Variants in SIRT3 observed in about 807,000 individuals in gnomAD.
The protein encoded by SIRT3 is sirtuin 3, also known as NAD-dependent protein deacetylase sirtuin-3, mitochondrial.
Under a neutral mutation model 33.5 loss-of-function variants are expected in SIRT3, and 26 were observed. The ratio of observed to expected loss-of-function variants is 0.78; its 90% confidence interval spans 0.57 to 1.08. The LOEUF is 1.08. Among genes scored for constraint, SIRT3 ranks in the 50% least tolerant of loss-of-function variants. The probability of loss-of-function intolerance (pLI) is 0.00; values close to 1 mark genes in which losing one functional copy is unlikely to be tolerated. For missense variants in SIRT3, 585 were observed against 530.1 expected (o/e 1.10, Z -1.02); for synonymous variants, 237 against 222.1 (o/e 1.07, Z -0.60).
At chr11:227,644 G>C (rs191549963) in intron 4 of SIRT3, among the ~76,000 whole-genome samples, 5 of 151,984 alleles carry the variant, frequency 3.3e-5, no homozygotes, top group South Asian at 4.2e-4. Flanking sequence ...ATTTTGTTTT[G>C]AGATGGAGTC....
rs1165729405 is a variant in SIRT3, at chr11:220,321, ACT to A, written c.970-1282_970-1281del. ...CCTCCAGCCTGGGAGACAGAGCAAGACTCTGTCTCAAAAAAAAAAAAAAAAAA... is the reference window on the plus strand; with the variant it reads ...CCTCCAGCCTGGGAGACAGAGCAAGACTGTCTCAAAAAAAAAAAAAAAAAA... On this transcript the variant is annotated intron_variant, in intron 5 of 6. Transcript: ENST00000382743. Among the ~76,000 whole-genome samples the A allele has an allele frequency of 4.6e-5, 6 of 130,942 alleles. No homozygotes were observed. In the East Asian group the frequency reaches 1.1e-3, roughly 25 times the overall value. 85.9% of individuals were successfully genotyped at this position (130,942 alleles called of 152,430 possible). A position where few individuals can be genotyped will look rare whatever the true frequency, so the allele number is the denominator to read the frequency against.
intron 3 of SIRT3, among the ~76,000 whole-genome samples, chr11:232,384 GC>G (rs1363964147): frequency 2.0e-5 from 3 of 152,002 alleles, no homozygotes; most frequent in Non-Finnish European, 4.4e-5. Flanking sequence ...CTCCCAAAAT[GC>G]TGGGATTACA....
upstream of SIRT3, chr11:236,483 G>A (rs1174874698): frequency 9.4e-6 from 3 of 319,238 alleles, no homozygotes; most frequent in African/African-American, 2.5e-5. Flanking sequence ...CCCCGCCCCC[G>A]CCTCCTTGCC....
chr11:221,742 C>G (rs1249272771), intron 5 of SIRT3, among the ~76,000 whole-genome samples: 1 of 152,196 alleles, frequency 6.6e-6, no homozygotes, highest in African/African-American at 2.4e-5. Flanking sequence ...CAGTTGGGAC[C>G]TCATATCCGT....
rs1855523930 is a variant in SIRT3, at chr11:215,130, CAAAT to C, written c.*1564_*1567del. 6.5e-6 allele frequency: 1 copy of C among 154,318 alleles called. No individual in the cohort carries two copies. Among genetic ancestry groups the C allele is most frequent in the Non-Finnish European group, 1.4e-5 (1 of 69,444 alleles). The allele number at this position is 154,318 out of a possible 1,614,324, so 9.6% of individuals were successfully genotyped here. On this transcript the variant is annotated 3_prime_UTR_variant, in exon 7 of 7. Transcript: ENST00000382743. ...GGACAAAAATGTATGTGTAAATTAT[CAAAT>C]AAAGGGGCCAGGCACAGTGGCTCAT... is the stretch of plus-strand genomic sequence containing the variant.
In SIRT3 at chr11:221,341, C is replaced by A. The variant is rs189426441; in HGVS notation, c.970-2300G>T. ...GCCCAGGCTGGTCTCAAATGCCTAG[C>A]TTCAGGCAATCTTCCTGCCTTGGCC... On this transcript the variant is annotated intron_variant, in intron 5 of 6. Transcript: ENST00000382743. Among the ~76,000 whole-genome samples the A allele has an allele frequency of 3.3e-5, 5 of 152,348 alleles. No homozygotes were observed. In the East Asian group the frequency reaches 7.7e-4, roughly 23 times the overall value.
intron 1 of SIRT3, among the ~76,000 whole-genome samples, chr11:234,803 A>G (rs1301835704): frequency 6.6e-6 from 1 of 152,128 alleles, no homozygotes; most frequent in African/African-American, 2.4e-5. Flanking sequence ...TGCTCCATCC[A>G]TAGCACCTAG....
chr11:225,097 C>CAAA (rs11385996), intron 4 of SIRT3, among the ~76,000 whole-genome samples: 4,937 of 147,448 alleles, frequency 0.033, 245 homozygotes, highest in African/African-American at 0.11. Context: ...ATTAAGGAAG[C>CAAA]AAAAAAAAAA....
chr11:229,871 C>T (rs943034558), intron 4 of SIRT3, among the ~76,000 whole-genome samples: 112 of 152,312 alleles, frequency 7.4e-4, no homozygotes, highest in African/African-American at 2.5e-3. Context: ...TGCATATGCT[C>T]CACAGCAGAA....
chr11:235,255 G>C (rs1858821208), intron 1 of SIRT3, among the ~76,000 whole-genome samples: 1 of 151,892 alleles, frequency 6.6e-6, no homozygotes, highest in Admixed American at 6.5e-5. Context: ...ACCCAGGCTG[G>C]AGTGCAGTGG....
At position 215,253 on chromosome 11, in the gene SIRT3, C is replaced by G. The variant is rs1210074463; in HGVS notation, c.*1445G>C. 1.3e-5 allele frequency: 2 copies of G among 152,886 alleles called. No individual in the cohort carries two copies. The highest frequency in any genetic ancestry group is 2.9e-5 in the Non-Finnish European group (2 of 68,602). 9.5% of individuals were successfully genotyped at this position (152,886 alleles called of 1,614,324 possible). ...CCTGGCCAACATAGCAAAACCTTGT[C>G]TCTATTACAAATATGCCCATGTGCT... On this transcript the variant is annotated 3_prime_UTR_variant, in exon 7 of 7. Coordinates refer to ENST00000382743, the MANE Select transcript of SIRT3 (RefSeq NM_012239.6).
chr11:226,756 TA>T (rs374555171), intron 4 of SIRT3, among the ~76,000 whole-genome samples: 27,037 of 102,446 alleles, frequency 0.26, 3,057 homozygotes, highest in African/African-American at 0.28. Flanking sequence ...TTATTATTAT[TA>T]TTTTTTTTTT....
intron 1 of SIRT3, among the ~76,000 whole-genome samples, chr11:234,245 G>C (rs756743810): frequency 6.6e-6 from 1 of 152,226 alleles, no homozygotes; most frequent in African/African-American, 2.4e-5. Flanking sequence ...CTGAGGGGCA[G>C]GCATGGGTGC....
chr11:217,788 G>A (rs1455775748), intron 6 of SIRT3, among the ~76,000 whole-genome samples: 1 of 152,242 alleles, frequency 6.6e-6, no homozygotes, highest in African/African-American at 2.4e-5. Flanking sequence ...AGCATCAACT[G>A]TGATATATTG....
chr11:223,483 C>T lies in SIRT3; in HGVS notation c.969+595G>A, dbSNP rs1856706324. On this transcript the variant is annotated intron_variant, in intron 5 of 6. Coordinates refer to ENST00000382743, the MANE Select transcript of SIRT3 (RefSeq NM_012239.6). The surrounding 1 kb of genome is among the most constrained non-coding windows in gnomAD (Gnocchi z 4.8). Reference sequence around the variant, plus strand: ...CACTGCTTGCTCCACTCTCCACTCCCCAAAGGCCTCCCTGACCCCAAGGGT... The same window carrying T: ...CACTGCTTGCTCCACTCTCCACTCCTCAAAGGCCTCCCTGACCCCAAGGGT... The T allele has an allele frequency of 1.3e-5, 4 of 317,338 alleles. No individual in the cohort carries two copies. Among genetic ancestry groups the T allele is most frequent in the Non-Finnish European group, 2.5e-5 (4 of 160,680 alleles). 19.7% of individuals were successfully genotyped at this position (317,338 alleles called of 1,614,324 possible).
intron 1 of SIRT3, 124 bp downstream of exon 1, chr11:235,924 G>A (rs772241007): frequency 9.5e-7 from 1 of 1,049,242 alleles, no homozygotes; most frequent in Non-Finnish European, 1.3e-6. Context: ...AAAGACGGAG[G>A]CCCCGGTGTT....
chr11:222,973 A>G (rs999209400), intron 5 of SIRT3: 1 of 152,154 alleles, frequency 6.6e-6, no homozygotes, highest in Non-Finnish European at 1.5e-5. Flanking sequence ...AACAAACTAT[A>G]TAACTTCTTA....
At chr11:219,730 A>C (rs1590108371) in intron 5 of SIRT3, among the ~76,000 whole-genome samples, 1 of 152,344 alleles carries the variant, frequency 6.6e-6, no homozygotes, top group East Asian at 1.9e-4. Flanking sequence ...AAAGGTTTCA[A>C]TGTAAACAAA....
intron 3 of SIRT3, among the ~76,000 whole-genome samples, chr11:232,038 G>A (rs1198780475): frequency 6.6e-6 from 1 of 152,142 alleles, no homozygotes; most frequent in Admixed American, 6.5e-5. Context: ...CACAGACTAA[G>A]TGTGACCATA....
Sources: gnomAD v4.1 joint callset for allele counts (sites outside exome capture counted in the v4.1 genomes callset) on GRCh38, gnomAD v4.1.1 for gene constraint, Gnocchi (gnomAD v3.1) non-coding constraint, MANE v1.5 for transcripts, NCBI Gene and HGNC (gene_info 2026-07-23, HGNC 2026-07-21) for gene names.